The following TRIM28 variants were observed in gnomAD, a reference collection of about 807,000 sequenced individuals.
The protein encoded by TRIM28 is tripartite motif containing 28.
A neutral mutation model predicts 87.4 loss-of-function variants in TRIM28; 8 were observed. The ratio of observed to expected loss-of-function variants is 0.09; its 90% CI spans 0.05 to 0.17. The LOEUF (loss-of-function observed/expected upper bound fraction) is 0.17, where lower values mean the gene tolerates loss of function less well. Among genes scored for constraint, TRIM28 ranks in the 10% least tolerant of loss-of-function variants. TRIM28 has a pLI of 1.00. For missense variants in TRIM28, 968 were observed against 1,131.8 expected (o/e 0.86, Z 2.08); for synonymous variants, 601 against 454.3 (o/e 1.32, Z -4.11).
chr19:58,544,733 C>G lies in TRIM28; in HGVS notation c.-25C>G, dbSNP rs896816701. The G allele has an allele frequency of 1.4e-5, 15 of 1,044,594 alleles. No individual in the cohort carries two copies. The highest frequency in any genetic ancestry group is 1.0e-4 in the African/African-American group (6 of 58,040). 64.7% of individuals were successfully genotyped at this position (1,044,594 alleles called of 1,614,324 possible). On this transcript the variant is annotated 5_prime_UTR_variant, in exon 1 of 17. Coordinates refer to ENST00000253024, the MANE Select transcript of TRIM28 (RefSeq NM_005762.3). The stretch of plus-strand genomic sequence containing the variant: ...GCGGGCCCCGCGCCCCTCCTCCCCC[C>G]CTGGGCGCCCCCGGCGGCGTGTGAA...
intron 3 of TRIM28, among the ~76,000 whole-genome samples, chr19:58,546,176 C>T (rs2053759599): frequency 6.6e-6 from 1 of 152,004 alleles, no homozygotes; most frequent in Admixed American, 6.6e-5. Context: ...AGTTGTCAGA[C>T]CTGGTGGTGA....
rs1308334516 is a variant in TRIM28, at chr19:58,548,379, A to G, written c.1187A>G (p.Asn396Ser). Residue 396 changes from asparagine (N) to serine (S), a missense_variant, in exon 8 of 17, where the codon AAT becomes AGT. Coordinates refer to ENST00000253024, the MANE Select transcript of TRIM28 (RefSeq NM_005762.3). ...HGEMKFQWDL[N>S]AWTKSAEAFG... Reference sequence around the variant, plus strand: ...GAGATGAAGTTTCAGTGGGACCTCAATGCCTGGACCAAGAGTGCCGAGGCC... The same window carrying G: ...GAGATGAAGTTTCAGTGGGACCTCAGTGCCTGGACCAAGAGTGCCGAGGCC... 1 of 1,614,092 alleles carries G rather than the reference A, an allele frequency of 6.2e-7. No homozygotes were observed.
chr19:58,547,119 T>C (rs554270803), intron 3 of TRIM28: 170 of 482,324 alleles, frequency 3.5e-4, no homozygotes, highest in Non-Finnish European at 5.4e-4. Flanking sequence ...GACGCTGTTA[T>C]CCTTACCCTT....
At chr19:58,545,366 T>TG in intron 1 of TRIM28, 59 bp from the exon 2 acceptor site, 1 of 1,371,126 alleles carries the variant, frequency 7.3e-7, no homozygotes, top group Non-Finnish European at 1.0e-6. Context: ...AGGGGAATGG[T>TG]GGGGGCCATA....
chr19:58,547,989 ATTC>A lies in TRIM28; in HGVS notation c.955-40_955-38del, dbSNP rs142679836. ...GTCTGGGGTGAGGAGTGATCCTAGT[ATTC>A]TTCTGCCTTCTCTGCTTACCTCATA... On this transcript the variant is annotated intron_variant, in intron 6 of 16. Coordinates refer to ENST00000253024, the MANE Select transcript of TRIM28 (RefSeq NM_005762.3). 3,348 of 1,613,200 alleles carry A rather than the reference ATTC, an allele frequency of 2.1e-3. 51 individuals are homozygous for A. The African/African-American group carries it at 0.034, about 17-fold the overall frequency.
At chr19:58,545,990 A>T in intron 3 of TRIM28, 94 bp downstream of exon 3, 3 of 1,430,678 alleles carry the variant, frequency 2.1e-6, no homozygotes, top group East Asian at 2.5e-5. Flanking sequence ...GATGGGTCCT[A>T]GAGTTCTCTA....
At chr19:58,545,333 T>G (rs2053751632) in intron 1 of TRIM28, 92 bp from the exon 2 acceptor site, 2 of 1,092,226 alleles carry the variant, frequency 1.8e-6, no homozygotes, top group Non-Finnish European at 1.3e-6. Flanking sequence ...CGCTGCGGGA[T>G]AATGGTCGGG....
At position 58,545,416 on chromosome 19, in the gene TRIM28, T is replaced by C. The variant is rs779458359; in HGVS notation, c.341-9T>C. On this transcript the variant is annotated splice_polypyrimidine_tract_variant and intron_variant, in intron 1 of 16. Coordinates refer to ENST00000253024, the MANE Select transcript of TRIM28 (RefSeq NM_005762.3). The stretch of plus-strand genomic sequence containing the variant: ...TTGTAACAGTCTCCCACATCCCTGC[T>C]TCTCGAAGTGGTGGACTGTCCCGTG... 1.2e-6 allele frequency: 2 copies of C among 1,601,820 alleles called. No homozygotes were observed. The highest frequency in any genetic ancestry group is 1.1e-5 in the South Asian group (1 of 90,732).
rs1164183268 is a variant in TRIM28 at position 58,548,771 on chromosome 19, G to T, written c.1355G>T (p.Gly452Val). The T allele has an allele frequency of 1.9e-6, 3 of 1,614,118 alleles. No individual in the cohort carries two copies. The highest frequency in any genetic ancestry group is 2.5e-6 in the Non-Finnish European group (3 of 1,180,006). ...GAGGTGCAGGAAGGCTATGGCTTTG[G>T]GTCAGGTGAGTGGGTCTGCCTAGTG... Reference protein sequence around the residue: ...PMEVQEGYGFGSGDDPYSSAE... With the variant: ...PMEVQEGYGFVSGDDPYSSAE... The change falls in exon 10 of 17, where the codon GGG becomes GTG. Residue 452 changes from glycine to valine, a missense_variant. Physicochemically the swap from Gly to Val is moderately radical, Grantham distance 109. This residue lies in a region of TRIM28 where 119 missense variants were observed against 93.6 expected (regional missense o/e 1.27). Coordinates refer to ENST00000253024, the MANE Select transcript of TRIM28 (RefSeq NM_005762.3).
chr19:58,550,417 T>G lies in TRIM28; in HGVS notation c.2372T>G (p.Phe791Cys). Reference sequence around the variant, plus strand: ...CAGTCCATCATCGGCCTGCAGCGCTTCTTCGAGACGCGCATGAACGAGGCC... The same window carrying G: ...CAGTCCATCATCGGCCTGCAGCGCTGCTTCGAGACGCGCATGAACGAGGCC... ...DVQSIIGLQR[F>C]FETRMNEAFG... The change falls in exon 17 of 17, where the codon TTC (phenylalanine) becomes TGC (cysteine). Residue 791 changes from phenylalanine to cysteine, a missense_variant. Coordinates refer to ENST00000253024, the MANE Select transcript of TRIM28 (RefSeq NM_005762.3). 1 of 1,614,004 alleles carries G rather than the reference T, an allele frequency of 6.2e-7. No individual in the cohort carries two copies. Among genetic ancestry groups the G allele is most frequent in the Non-Finnish European group, 8.5e-7 (1 of 1,180,004 alleles).
intron 2 of TRIM28, 35 bp downstream of exon 2, chr19:58,545,572 TGGGGA>T: frequency 6.4e-7 from 1 of 1,562,768 alleles, no homozygotes. Context: ...AGGAGGTTTC[TGGGGA>T]GGGGGCATCT....
At position 58,545,066 on chromosome 19, in the gene TRIM28, G is replaced by A. The variant is rs1733192669; in HGVS notation, c.309G>A (p.Ser103=). ...GPAAPAAANS[S]GDGGAAGDGT... is the part of the protein sequence containing the mutation. ...CGGCCCCCGCCGCCGCCAACAGCTC[G>A]GGGGACGGCGGGGCGGCGGGCGACG... Residue 103 remains serine (S), a synonymous_variant, in exon 1 of 17, where the codon TCG becomes TCA. Transcript: ENST00000253024. 2.1e-6 allele frequency: 3 copies of A among 1,445,062 alleles called. No individual in the cohort carries two copies. Among genetic ancestry groups the A allele is most frequent in the Non-Finnish European group, 2.7e-6 (3 of 1,112,380 alleles). The allele number at this position is 1,445,062 out of a possible 1,614,324, so 89.5% of individuals were successfully genotyped here.
Position 58,547,494 on chromosome 19 carries a change from T to C in TRIM28, c.705T>C (p.Asn235=). Residue 235 remains asparagine (N), a synonymous_variant, in exon 4 of 17, where the codon AAT becomes AAC. Transcript: ENST00000253024. The stretch of plus-strand genomic sequence containing the variant: ...TCACCTGCCGAGACTGCCAGCTCAA[T>C]GCCCACAAGGACCACCAGTGAGTCC... ...DTLTCRDCQL[N]AHKDHQYQFL... 2 of 1,613,972 alleles carry C rather than the reference T, an allele frequency of 1.2e-6. No homozygotes were observed. Among genetic ancestry groups the C allele is most frequent in the Non-Finnish European group, 8.5e-7 (1 of 1,179,956 alleles).
Position 58,547,888 on chromosome 19 carries a change from G to A in TRIM28, c.936G>A (p.Val312=). The change falls in exon 6 of 17, where the codon GTG becomes GTA. Residue 312 remains valine (V), a synonymous_variant. Coordinates refer to ENST00000253024, the MANE Select transcript of TRIM28 (RefSeq NM_005762.3). ...AGGAGCTGAATAAGCGGGGCCGTGT[G>A]CTGGTCAATGATGCCCAGGTAAGCC... The part of the protein sequence containing the change: ...IMKELNKRGR[V]LVNDAQKVTE... The A allele has an allele frequency of 5.6e-6, 9 of 1,614,200 alleles. No homozygotes were observed. The highest frequency in any genetic ancestry group is 7.6e-6 in the Non-Finnish European group (9 of 1,180,044).
Position 58,549,018 on chromosome 19 carries a change from C to T in TRIM28, c.1440C>T (p.Gly480=), listed in dbSNP as rs2053788144. 2.5e-6 allele frequency: 4 copies of T among 1,614,034 alleles called. No homozygotes were observed. The highest frequency in any genetic ancestry group is 2.5e-6 in the Non-Finnish European group (3 of 1,179,986). Residue 480 remains glycine (G), a synonymous_variant, in exon 12 of 17, where the codon GGC becomes GGT. Coordinates refer to ENST00000253024, the MANE Select transcript of TRIM28 (RefSeq NM_005762.3). The surrounding 1 kb of genome is among the most constrained non-coding windows in gnomAD (Gnocchi z 4.4). ...RSRSGEGEVS[G]LMRKVPRVSL... Reference sequence around the variant, plus strand: ...GCTCAGGTGAGGGCGAGGTGAGCGGCCTTATGCGCAAGGTGCCACGAGTGA... The same window carrying T: ...GCTCAGGTGAGGGCGAGGTGAGCGGTCTTATGCGCAAGGTGCCACGAGTGA...
Position 58,549,828 on chromosome 19 carries a change from G to A in TRIM28, c.2074G>A (p.Val692Met), listed in dbSNP as rs773194209. 1.5e-5 allele frequency: 24 copies of A among 1,612,580 alleles called. 1 individual carries two copies. Among genetic ancestry groups the A allele is most frequent in the East Asian group, 2.2e-5 (1 of 44,848 alleles). ...LSLDGADSTG[V>M]VAKLSPANQR... The stretch of plus-strand genomic sequence containing the variant: ...CCTGGATGGTGCAGACAGCACTGGC[G>A]TGGTGGCCAAGCTCTCACCAGCCAA... The change falls in exon 14 of 17, where the codon GTG (valine) becomes ATG (methionine). Residue 692 changes from valine (V) to methionine (M), a missense_variant. By Grantham distance (21) the Val-to-Met change is conservative (BLOSUM62 1). Around this residue, in one of 11 missense-constraint regions of TRIM28, gnomAD observed 192 missense variants for 225.6 expected, o/e 0.85. Transcript: ENST00000253024. This position sits in a 1 kb window ranked among gnomAD's most constrained non-coding sequence, Gnocchi z 4.4.
chr19:58,545,143 T>A, intron 1 of TRIM28, 46 bp downstream of exon 1: 3 of 1,367,094 alleles, frequency 2.2e-6, no homozygotes, highest in Non-Finnish European at 2.9e-6. Context: ...ACTCTCTGCC[T>A]TTGATTCCGA....
At position 58,549,618 on chromosome 19, in the gene TRIM28, CTG is replaced by C; in HGVS notation, c.1952_1953del (p.Cys651SerfsTer23). 1 of 1,613,492 alleles carries C rather than the reference CTG, an allele frequency of 6.2e-7. No individual in the cohort carries two copies. Among genetic ancestry groups the C allele is most frequent in the Non-Finnish European group, 8.5e-7 (1 of 1,179,514 alleles). ...NQCEFCFHLD[C>X]HLPALQDVPG... Reference sequence around the variant, plus strand: ...AGTGTGAGTTTTGTTTCCACCTGGACTGTCACCTGCCGGCCCTGCAGGATGTA... The same window carrying C: ...AGTGTGAGTTTTGTTTCCACCTGGACTCACCTGCCGGCCCTGCAGGATGTA... On this transcript the variant is annotated frameshift_variant, in exon 13 of 17. Transcript: ENST00000253024. LOFTEE classifies it high-confidence loss of function. This position sits in a 1 kb window ranked among gnomAD's most constrained non-coding sequence, Gnocchi z 4.4.
chr19:58,550,684 C>T lies in TRIM28; in HGVS notation c.*131C>T, dbSNP rs905788105. 5.6e-5 allele frequency: 54 copies of T among 957,024 alleles called. No individual in the cohort carries two copies. Among genetic ancestry groups the T allele is most frequent in the Non-Finnish European group, 7.1e-5 (47 of 662,076 alleles). The allele number at this position is 957,024 out of a possible 1,614,324, so 59.3% of individuals were successfully genotyped here. On this transcript the variant is annotated 3_prime_UTR_variant, in exon 17 of 17. Transcript: ENST00000253024. ...CCAGTTCCTCACGATATGGTTTTTA[C>T]TTCTGTGGATTTAATAAAAACTTCA...
Sources: gnomAD v4.1 joint callset for allele counts (sites outside exome capture counted in the v4.1 genomes callset) on GRCh38, gnomAD v4.1.1 for gene constraint, gnomAD v4.1.1 regional missense constraint, Gnocchi (gnomAD v3.1) non-coding constraint, MANE v1.5 for transcripts, NCBI Gene and HGNC (gene_info 2026-07-23, HGNC 2026-07-21) for gene names.